The following SHANK2 variants were observed in gnomAD, a reference collection of about 807,000 sequenced individuals.
SHANK2 encodes SH3 and multiple ankyrin repeat domains 2, also known as SH3 and multiple ankyrin repeat domains protein 2.
Under a neutral mutation model 133.7 loss-of-function variants are expected in SHANK2, and 43 were observed. That is an observed-to-expected ratio of 0.32 (90% CI 0.25 to 0.41). The LOEUF is 0.41. SHANK2 is among the 10% of genes least tolerant of loss of function. The pLI is 1.00. For missense variants in SHANK2, 1,994 were observed against 2,235.8 expected (o/e 0.89, Z 2.18); for synonymous variants, 1,017 against 952.8 (o/e 1.07, Z -1.24).
chr11:70,584,505 A>T (rs1554986222), intron 17 of SHANK2, among the ~76,000 whole-genome samples: 4 of 151,840 alleles, frequency 2.6e-5, no homozygotes. Flanking sequence ...GCTCCCAGCC[A>T]CTAACCCTGC....
intron 17 of SHANK2, among the ~76,000 whole-genome samples, chr11:70,632,964 A>G (rs1164486301): frequency 1.3e-5 from 2 of 151,972 alleles, no homozygotes; most frequent in Non-Finnish European, 2.9e-5. Context: ...GTTGATGGAT[A>G]CGGGGCAGGG....
intron 12 of SHANK2, among the ~76,000 whole-genome samples, chr11:70,809,486 A>G (rs905807214): frequency 6.6e-6 from 1 of 152,206 alleles, no homozygotes; most frequent in Non-Finnish European, 1.5e-5. Flanking sequence ...TGTGTCCCTG[A>G]TAATTGCCTT....
intron 10 of SHANK2, among the ~76,000 whole-genome samples, chr11:70,936,942 G>A (rs1950579661): frequency 6.6e-6 from 1 of 152,192 alleles, no homozygotes; most frequent in Admixed American, 6.5e-5. Flanking sequence ...CCTTGGTACT[G>A]ACTCTTCCAC....
At chr11:70,503,868 G>GCTGA (rs1464004714) in intron 17 of SHANK2, among the ~76,000 whole-genome samples, 2 of 152,232 alleles carry the variant, frequency 1.3e-5, no homozygotes, top group African/African-American at 4.8e-5. Flanking sequence ...GGGCGTCTGG[G>GCTGA]CTGACACTGC....
intron 14 of SHANK2, among the ~76,000 whole-genome samples, chr11:70,716,898 C>T (rs868994560): frequency 0.012 from 1,718 of 144,770 alleles, 39 homozygotes; most frequent in African/African-American, 0.031. Context: ...TCCCGGAGCC[C>T]CCCCCCCGCC....
intron 17 of SHANK2, among the ~76,000 whole-genome samples, chr11:70,516,517 A>G (rs1554970088): frequency 1.3e-5 from 2 of 152,252 alleles, no homozygotes; most frequent in African/African-American, 4.8e-5. Context: ...CACTTCTAGA[A>G]GATAAGAGAA....
Position 70,710,626 on chromosome 11 carries a change from C to A in SHANK2, c.1778-11863G>T, listed in dbSNP as rs111409842. Among the ~76,000 whole-genome samples, 12 of 152,288 alleles carry A rather than the reference C, an allele frequency of 7.9e-5. No homozygotes were observed. In the South Asian group the frequency reaches 2.5e-3, roughly 32 times the overall value. ...TTTGAAAGCAAGTACTTTTCTCTGG[C>A]GGGTGGCAGAAGGGGAAGTCGGAGA... On this transcript the variant is annotated intron_variant, in intron 14 of 25. Transcript: ENST00000601538.
At chr11:70,580,747 C>T (rs1011749178) in intron 17 of SHANK2, among the ~76,000 whole-genome samples, 1 of 152,224 alleles carries the variant, frequency 6.6e-6, no homozygotes, top group African/African-American at 2.4e-5. Context: ...CTGGGGCAGG[C>T]GGGAACAGCG....
At chr11:70,718,113 G>A (rs1383836693) in intron 14 of SHANK2, among the ~76,000 whole-genome samples, 1 of 152,136 alleles carries the variant, frequency 6.6e-6, no homozygotes, top group Non-Finnish European at 1.5e-5. Flanking sequence ...GGTGAAGGAC[G>A]CCTGAAAAAC....
At chr11:70,858,261 A>G (rs1949201102) in intron 11 of SHANK2, among the ~76,000 whole-genome samples, 1 of 152,244 alleles carries the variant, frequency 6.6e-6, no homozygotes, top group African/African-American at 2.4e-5. Context: ...ATATAAAATA[A>G]CAGCAGCAAC....
intron 9 of SHANK2, among the ~76,000 whole-genome samples, chr11:71,062,116 G>A (rs1006738897): frequency 4.0e-5 from 6 of 151,486 alleles, no homozygotes; most frequent in Non-Finnish European, 5.9e-5. Context: ...CCACCATGCC[G>A]GGCTAATTTT....
At chr11:70,726,409 G>C (rs777978855) in intron 14 of SHANK2, among the ~76,000 whole-genome samples, 4 of 149,318 alleles carry the variant, frequency 2.7e-5, no homozygotes, top group Non-Finnish European at 4.4e-5. Flanking sequence ...CACATGCCAG[G>C]CTCTGGTCAG....
At chr11:70,853,373 G>T (rs1387223446) in intron 11 of SHANK2, among the ~76,000 whole-genome samples, 1 of 152,210 alleles carries the variant, frequency 6.6e-6, no homozygotes, top group Non-Finnish European at 1.5e-5. Context: ...CGGCCGTGGG[G>T]ACAGACAAGA....
intron 17 of SHANK2, among the ~76,000 whole-genome samples, chr11:70,559,560 G>A (rs549348494): frequency 2.1e-4 from 32 of 152,214 alleles, no homozygotes; most frequent in African/African-American, 7.2e-4. Flanking sequence ...CACACTGGGC[G>A]CTCCATAGCT....
chr11:70,809,182 A>G (rs571609291), intron 12 of SHANK2, among the ~76,000 whole-genome samples: 1 of 152,230 alleles, frequency 6.6e-6, no homozygotes, highest in Non-Finnish European at 1.5e-5. Flanking sequence ...TCAGAAAGAC[A>G]GGGAAAGTGT....
At chr11:70,779,358 T>C (rs978635540) in intron 14 of SHANK2, among the ~76,000 whole-genome samples, 1 of 152,054 alleles carries the variant, frequency 6.6e-6, no homozygotes, top group Non-Finnish European at 1.5e-5. Context: ...AGCTATTTTA[T>C]GTTCTGTGAG....
chr11:70,821,746 G>A (rs1384979073), intron 11 of SHANK2, among the ~76,000 whole-genome samples: 2 of 152,172 alleles, frequency 1.3e-5, no homozygotes, highest in Non-Finnish European at 2.9e-5. Context: ...TAAGCCACCT[G>A]TCTGTGGCGC....
At chr11:70,635,842 C>A (rs1409697392) in intron 17 of SHANK2, among the ~76,000 whole-genome samples, 2 of 152,184 alleles carry the variant, frequency 1.3e-5, no homozygotes, top group Admixed American at 6.5e-5. Context: ...TCTTCATAAA[C>A]CCTCGGTCAC....
At chr11:70,680,366 T>G (rs900070295) in intron 15 of SHANK2, among the ~76,000 whole-genome samples, 1 of 152,110 alleles carries the variant, frequency 6.6e-6, no homozygotes, top group African/African-American at 2.4e-5. Context: ...GACTGAGGTG[T>G]TGGAGGGCGG....
Sources: gnomAD v4.1 joint callset for allele counts (sites outside exome capture counted in the v4.1 genomes callset) on GRCh38, gnomAD v4.1.1 for gene constraint, MANE v1.5 for transcripts, NCBI Gene and HGNC (gene_info 2026-07-23, HGNC 2026-07-21) for gene names.